Variants in LMO2 observed in about 807,000 individuals in gnomAD.
The protein encoded by LMO2 is LIM domain only 2.
LMO2 carries 20 observed loss-of-function variants against 23.2 expected under a neutral mutation model. The observed-to-expected ratio is 0.86, with a 90% confidence interval of 0.61 to 1.25. The LOEUF is 1.25. Ranked by LOEUF, LMO2 falls within the 50% of genes most tolerant of loss-of-function variation. The pLI is 0.00. For missense variants in LMO2, 270 were observed against 315.3 expected (o/e 0.86, Z 1.09); for synonymous variants, 123 against 130.2 (o/e 0.94, Z 0.38).
At position 33,859,485 on chromosome 11, in the gene LMO2, G is replaced by C; in HGVS notation, c.555C>G (p.His185Gln). The change falls in exon 6 of 6, where the codon CAC becomes CAG. Residue 185 changes from histidine (H) to glutamine (Q), a missense_variant. Around this residue, in one of 2 missense-constraint regions of LMO2, gnomAD observed 100 missense variants for 153.3 expected, o/e 0.65. Transcript: ENST00000257818. ...MTMRVKDKVY[H>Q]LECFKCAACQ... ...AGGCGGCGCATTTGAAACATTCCAGGTGATACACTTTGTCTTTCACCCGCA... is the reference window on the plus strand; with the variant it reads ...AGGCGGCGCATTTGAAACATTCCAGCTGATACACTTTGTCTTTCACCCGCA... 1 of 1,614,052 alleles carries C rather than the reference G, an allele frequency of 6.2e-7. No individual in the cohort carries two copies. Among genetic ancestry groups the C allele is most frequent in the South Asian group, 1.1e-5 (1 of 91,082 alleles).
chr11:33,870,147 C>T (rs2133700320), intron 2 of LMO2, 160 bp from the exon 3 acceptor site: 1 of 263,340 alleles, frequency 3.8e-6, no homozygotes, highest in Non-Finnish European at 5.8e-6. Context: ...GACTTGGCTT[C>T]TTAAAGGGGC....
intron 2 of LMO2, among the ~76,000 whole-genome samples, chr11:33,871,396 CAAAAAAT>C (rs1857019227): frequency 6.6e-6 from 1 of 151,116 alleles, no homozygotes; most frequent in Admixed American, 6.6e-5. Context: ...CCCGTTTCTA[CAAAAAAT>C]AAAAAATAAA....
chr11:33,861,764 A>G (rs1339292993), intron 5 of LMO2, among the ~76,000 whole-genome samples: 2 of 152,132 alleles, frequency 1.3e-5, no homozygotes, highest in Non-Finnish European at 2.9e-5. Context: ...TCAGGGGGTA[A>G]ATTACAACCC....
intron 2 of LMO2, among the ~76,000 whole-genome samples, chr11:33,873,083 A>C (rs1011939021): frequency 2.0e-5 from 3 of 151,982 alleles, no homozygotes; most frequent in Non-Finnish European, 4.4e-5. Context: ...GTTTTTATTT[A>C]ATCTGATAAA....
At position 33,869,852 on chromosome 11, in the gene LMO2, C is replaced by A. The variant is rs1363775571; in HGVS notation, c.-136G>T. The A allele has an allele frequency of 9.4e-6, 10 of 1,059,644 alleles. 1 individual carries two copies. In the East Asian group the frequency reaches 5.7e-4, roughly 60 times the overall value. 65.6% of individuals were successfully genotyped at this position (1,059,644 alleles called of 1,614,324 possible). On this transcript the variant is annotated 5_prime_UTR_variant, in exon 3 of 6. Coordinates refer to ENST00000257818, the MANE Select transcript of LMO2 (RefSeq NM_005574.4). ...TCGGCCCGGGTCGCGGCGCGCTGCT[C>A]GCCGCCGAGGGCAGAGAGGGGGCGG...
chr11:33,862,589 C>G (rs752111137), intron 5 of LMO2, among the ~76,000 whole-genome samples: 2 of 108,282 alleles, frequency 1.8e-5, no homozygotes, highest in African/African-American at 6.9e-5. Context: ...GAAATCCTCA[C>G]GGGGACAAGT....
intron 5 of LMO2, among the ~76,000 whole-genome samples, chr11:33,863,885 G>A (rs1047359568): frequency 6.6e-6 from 1 of 152,200 alleles, no homozygotes; most frequent in African/African-American, 2.4e-5. Flanking sequence ...ACCAAGCCAA[G>A]TAGTTTATCT....
chr11:33,872,732 C>T (rs1210160023), intron 2 of LMO2, among the ~76,000 whole-genome samples: 2 of 151,864 alleles, frequency 1.3e-5, no homozygotes, highest in Non-Finnish European at 2.9e-5. Context: ...GACTAAATGA[C>T]CTGTTTGCAT....
chr11:33,884,524 C>T (rs1857360291), intron 1 of LMO2, among the ~76,000 whole-genome samples: 1 of 152,220 alleles, frequency 6.6e-6, no homozygotes, highest in South Asian at 2.1e-4. Context: ...AAATTCACTC[C>T]CTAACATTTG....
At position 33,869,995 on chromosome 11, in the gene LMO2, C is replaced by A; in HGVS notation, c.-271-8G>T. ...GGTTTCATTTCCTTTTTCCTGATCA[C>A]GATTCAAATACAATAGAAGGAAATC... On this transcript the variant is annotated splice_region_variant and splice_polypyrimidine_tract_variant and intron_variant, in intron 2 of 5. Transcript: ENST00000257818. 2.0e-6 allele frequency: 2 copies of A among 1,003,702 alleles called. No individual in the cohort carries two copies. The highest frequency in any genetic ancestry group is 1.2e-6 in the Non-Finnish European group (1 of 835,284). The allele number at this position is 1,003,702 out of a possible 1,614,324, so 62.2% of individuals were successfully genotyped here. A position where few individuals can be genotyped will look rare whatever the true frequency, so the allele number is the denominator to read the frequency against.
At chr11:33,866,345 A>T (rs2133693482) in intron 4 of LMO2, among the ~76,000 whole-genome samples, 1 of 152,268 alleles carries the variant, frequency 6.6e-6, no homozygotes, top group East Asian at 1.9e-4. Flanking sequence ...TATCTGGGGA[A>T]AAAAAATGGC....
rs1182496223 is a variant in LMO2, at chr11:33,869,901, C to A, written c.-185G>T. The A allele has an allele frequency of 9.8e-5, 103 of 1,050,140 alleles. No homozygotes were observed. Among genetic ancestry groups the A allele is most frequent in the Non-Finnish European group, 1.1e-4 (96 of 871,476 alleles). 65.1% of individuals were successfully genotyped at this position (1,050,140 alleles called of 1,614,324 possible). A position where few individuals can be genotyped will look rare whatever the true frequency, so the allele number is the denominator to read the frequency against. ...GGCGGCCTAGGGGCGGGGAGGGGACCGTGCGTCTCTCTCCGGGCTTCCTCC... is the reference window on the plus strand; with the variant it reads ...GGCGGCCTAGGGGCGGGGAGGGGACAGTGCGTCTCTCTCCGGGCTTCCTCC... On this transcript the variant is annotated 5_prime_UTR_variant, in exon 3 of 6. Transcript: ENST00000257818.
intron 1 of LMO2, among the ~76,000 whole-genome samples, chr11:33,889,390 G>A (rs1002341054): frequency 3.9e-5 from 6 of 152,128 alleles, no homozygotes; most frequent in South Asian, 2.1e-4. Context: ...GGCCAGATAC[G>A]GGCCAGGCAG....
intron 2 of LMO2, among the ~76,000 whole-genome samples, chr11:33,876,931 C>G (rs936336213): frequency 1.3e-5 from 2 of 152,170 alleles, no homozygotes; most frequent in African/African-American, 4.8e-5. Flanking sequence ...ATGCTGAGCC[C>G]AGTGATCAAC....
At chr11:33,882,926 A>G (rs1422748631) in intron 1 of LMO2, among the ~76,000 whole-genome samples, 1 of 152,156 alleles carries the variant, frequency 6.6e-6, no homozygotes, top group Non-Finnish European at 1.5e-5. Flanking sequence ...CTACGTTTGC[A>G]TGTTAGGAAT....
intron 4 of LMO2, among the ~76,000 whole-genome samples, chr11:33,866,508 A>G (rs1304683280): frequency 6.6e-6 from 1 of 152,142 alleles, no homozygotes; most frequent in East Asian, 1.9e-4. Flanking sequence ...TGGTGGCATG[A>G]GCCAGTAGTC....
At chr11:33,865,238 C>T (rs544691040) in intron 4 of LMO2, 7 of 277,274 alleles carry the variant, frequency 2.5e-5, no homozygotes, top group Non-Finnish European at 4.3e-5. Context: ...CCTCAAAGGA[C>T]GCACTCTGGA....
intron 2 of LMO2, among the ~76,000 whole-genome samples, chr11:33,876,833 C>T (rs978946481): frequency 1.3e-5 from 2 of 152,228 alleles, no homozygotes; most frequent in Non-Finnish European, 2.9e-5. Flanking sequence ...TTTAACAGCC[C>T]TGAACCTCAG....
chr11:33,860,181 G>A (rs2133683260), intron 5 of LMO2, among the ~76,000 whole-genome samples: 1 of 152,240 alleles, frequency 6.6e-6, no homozygotes, highest in South Asian at 2.1e-4. Context: ...AAAACACGCG[G>A]TGCAGCTAAT....
Sources: allele counts gnomAD v4.1 joint callset (sites outside exome capture counted in the v4.1 genomes callset), GRCh38; gene constraint gnomAD v4.1.1; regional missense constraint gnomAD v4.1.1; transcripts MANE v1.5; gene names NCBI Gene and HGNC (gene_info 2026-07-23, HGNC 2026-07-21).